The following DNAJC1 variants were observed in gnomAD, a reference collection of about 807,000 sequenced individuals.
DNAJC1 encodes the protein dnaJ homolog subfamily C member 1.
DNAJC1 carries 58 observed loss-of-function variants against 76.6 expected under a neutral mutation model. The observed-to-expected ratio is 0.76, with a 90% confidence interval of 0.61 to 0.94. The LOEUF (loss-of-function observed/expected upper bound fraction) is 0.94. Among genes scored for constraint, DNAJC1 ranks in the 40% least tolerant of loss-of-function variants. The pLI, the probability that DNAJC1 is intolerant of heterozygous loss-of-function variation, is 0.00. For missense variants in DNAJC1, 689 were observed against 677.3 expected (o/e 1.02, Z -0.19); for synonymous variants, 258 against 267.9 (o/e 0.96, Z 0.36).
At chr10:21,867,490 G>A (rs1190550621) in intron 8 of DNAJC1, among the ~76,000 whole-genome samples, 1 of 152,104 alleles carries the variant, frequency 6.6e-6, no homozygotes, top group African/African-American at 2.4e-5. Flanking sequence ...AATAATACAA[G>A]GTGGTCCCTG....
intron 5 of DNAJC1, among the ~76,000 whole-genome samples, 185 bp downstream of exon 5, chr10:21,919,647 C>T (rs1198677339): frequency 6.6e-6 from 1 of 151,820 alleles, no homozygotes; most frequent in Non-Finnish European, 1.5e-5. Context: ...GGGGAAAAAA[C>T]CTGAAGACAT....
At chr10:21,838,043 G>C (rs1299243929) in intron 8 of DNAJC1, among the ~76,000 whole-genome samples, 1 of 151,176 alleles carries the variant, frequency 6.6e-6, no homozygotes, top group Non-Finnish European at 1.5e-5. Context: ...CCGTCCGGGA[G>C]GTGGGGGGCG....
chr10:21,781,718 C>CAAAA (rs1298897674), intron 9 of DNAJC1, among the ~76,000 whole-genome samples: 8 of 87,260 alleles, frequency 9.2e-5, no homozygotes, highest in East Asian at 3.6e-4. Flanking sequence ...GCGACTGTCT[C>CAAAA]AAAAAAAAAA....
chr10:21,961,372 C>T (rs1837787837), intron 1 of DNAJC1, among the ~76,000 whole-genome samples: 1 of 152,182 alleles, frequency 6.6e-6, no homozygotes, highest in Admixed American at 6.5e-5. Context: ...TATATACATA[C>T]AATGGCTATG....
chr10:21,997,930 G>C (rs954500071), intron 1 of DNAJC1, among the ~76,000 whole-genome samples: 2 of 152,252 alleles, frequency 1.3e-5, no homozygotes, highest in South Asian at 4.1e-4. Flanking sequence ...GCACCATGAA[G>C]ACAAATCTTG....
intron 7 of DNAJC1, among the ~76,000 whole-genome samples, chr10:21,886,548 C>A (rs1836368760): frequency 6.6e-6 from 1 of 151,982 alleles, no homozygotes; most frequent in African/African-American, 2.4e-5. Flanking sequence ...AGTTCAACAT[C>A]CTTGATTAAC....
intron 8 of DNAJC1, among the ~76,000 whole-genome samples, chr10:21,836,867 A>G (rs1396885452): frequency 2.6e-5 from 4 of 152,248 alleles, no homozygotes; most frequent in Non-Finnish European, 5.9e-5. Context: ...AGACTCCCAC[A>G]CAATAATAAT....
At chr10:21,984,740 G>C (rs940200046) in intron 1 of DNAJC1, among the ~76,000 whole-genome samples, 1 of 152,088 alleles carries the variant, frequency 6.6e-6, no homozygotes, top group Non-Finnish European at 1.5e-5. Flanking sequence ...CTAATCAAAA[G>C]ACATAAACAT....
At chr10:21,875,415 T>C (rs1836170593) in intron 8 of DNAJC1, among the ~76,000 whole-genome samples, 1 of 152,176 alleles carries the variant, frequency 6.6e-6, no homozygotes, top group Non-Finnish European at 1.5e-5. Context: ...CTCAGCCTCC[T>C]GAAGTGTTAG....
rs572474026 is a variant in DNAJC1 at position 21,957,015 on chromosome 10, C to G, written c.223-27874G>C. Reference sequence around the variant, plus strand: ...CAAGTGATTCTCCTGCCTCAGCCCCCCAAGGAACTGGGATTACAGGTACCC... The same window carrying G: ...CAAGTGATTCTCCTGCCTCAGCCCCGCAAGGAACTGGGATTACAGGTACCC... On this transcript the variant is annotated intron_variant, in intron 1 of 11. Coordinates refer to ENST00000376980, the MANE Select transcript of DNAJC1 (RefSeq NM_022365.4). Among the ~76,000 whole-genome samples, 12 of 151,914 alleles carry G rather than the reference C, an allele frequency of 7.9e-5. No individual in the cohort carries two copies. In the East Asian group the frequency reaches 1.6e-3, roughly 20 times the overall value.
chr10:21,808,656 T>C (rs1468293769), intron 8 of DNAJC1, among the ~76,000 whole-genome samples: 1 of 152,222 alleles, frequency 6.6e-6, no homozygotes, highest in South Asian at 2.1e-4. Flanking sequence ...GAGCCTCCTG[T>C]GATCCAGCTA....
At chr10:21,842,610 A>G (rs1012187235) in intron 8 of DNAJC1, among the ~76,000 whole-genome samples, 1 of 152,210 alleles carries the variant, frequency 6.6e-6, no homozygotes, top group African/African-American at 2.4e-5. Context: ...AAGAATAGGC[A>G]AGAGGTTTTA....
intron 8 of DNAJC1, among the ~76,000 whole-genome samples, chr10:21,874,258 A>G (rs1218782392): frequency 6.6e-6 from 1 of 152,108 alleles, no homozygotes; most frequent in Admixed American, 6.5e-5. Flanking sequence ...CAAACAAAAA[A>G]AATAAATTAG....
At chr10:21,922,580 T>A (rs1354406930) in intron 3 of DNAJC1, among the ~76,000 whole-genome samples, 1 of 152,046 alleles carries the variant, frequency 6.6e-6, no homozygotes, top group African/African-American at 2.4e-5. Context: ...AACATCAAGA[T>A]ATAATAATAT....
intron 8 of DNAJC1, among the ~76,000 whole-genome samples, chr10:21,879,226 G>A (rs1327607200): frequency 1.3e-5 from 2 of 152,122 alleles, no homozygotes; most frequent in Non-Finnish European, 2.9e-5. Flanking sequence ...ATCTATACAT[G>A]CATACCTCAG....
At chr10:21,842,026 T>A (rs1396223181) in intron 8 of DNAJC1, among the ~76,000 whole-genome samples, 38 of 140,476 alleles carry the variant, frequency 2.7e-4, no homozygotes, top group Non-Finnish European at 3.3e-4. Context: ...ATGTTCTCAC[T>A]CATAGGTGGG....
At chr10:21,902,397 C>T (rs992923326) in intron 7 of DNAJC1, among the ~76,000 whole-genome samples, 26 of 152,246 alleles carry the variant, frequency 1.7e-4, no homozygotes, top group East Asian at 5.8e-4. Flanking sequence ...GTCTGCCTCC[C>T]GGGTTCAGGC....
chr10:21,815,725 G>A (rs1178843376), intron 8 of DNAJC1, among the ~76,000 whole-genome samples: 1 of 151,720 alleles, frequency 6.6e-6, no homozygotes, highest in Admixed American at 6.6e-5. Flanking sequence ...CTATCTCAAG[G>A]ATGAGGCAGA....
rs111841386 is a variant in DNAJC1, at chr10:21,993,115, C to CATAT, written c.222+10094_222+10097dup. Among the ~76,000 whole-genome samples, 351 of 151,382 alleles carry CATAT rather than the reference C, an allele frequency of 2.3e-3. 1 individual carries two copies. The highest frequency in any genetic ancestry group is 7.7e-3 in the African/African-American group (318 of 41,268). On this transcript the variant is annotated intron_variant, in intron 1 of 11. Coordinates refer to ENST00000376980, the MANE Select transcript of DNAJC1 (RefSeq NM_022365.4). ...TTTACATATATACTTTTATATTTAC[C>CATAT]ATATATATATACTTTACAAGCTGAA...
Sources: allele counts gnomAD v4.1 joint callset (sites outside exome capture counted in the v4.1 genomes callset), GRCh38; gene constraint gnomAD v4.1.1; transcripts MANE v1.5; gene names NCBI Gene and HGNC (gene_info 2026-07-23, HGNC 2026-07-21).